JAKMIP3: variants seen among roughly 807,000 people sequenced by gnomAD.
The protein encoded by JAKMIP3 is janus kinase and microtubule-interacting protein 3.
In JAKMIP3, 58 loss-of-function variants were observed where a neutral mutation model predicts 118.5. That is an observed-to-expected ratio of 0.49 (90% CI 0.40 to 0.61). The LOEUF (loss-of-function observed/expected upper bound fraction) is 0.61. Among genes scored for constraint, JAKMIP3 ranks in the 20% least tolerant of loss-of-function variants. The pLI is 0.00. For synonymous variants in JAKMIP3, 486 were observed against 451.2 expected (o/e 1.08, Z -0.98); for missense variants, 950 against 1,109.0 (o/e 0.86, Z 2.04).
At chr10:132,071,297 A>C (rs1457493121) in intron 1 of JAKMIP3, among the ~76,000 whole-genome samples, 1 of 151,886 alleles carries the variant, frequency 6.6e-6, no homozygotes, top group African/African-American at 2.4e-5. Flanking sequence ...CAGTTATTTT[A>C]ACTTTGTTGA....
chr10:132,122,067 G>A (rs2048626979), intron 3 of JAKMIP3, among the ~76,000 whole-genome samples: 1 of 152,218 alleles, frequency 6.6e-6, no homozygotes, highest in South Asian at 2.1e-4. Flanking sequence ...AGCACCTACG[G>A]TAGGTGTTCA....
At chr10:132,158,506 G>A (rs2057357997) in intron 19 of JAKMIP3, among the ~76,000 whole-genome samples, 1 of 152,232 alleles carries the variant, frequency 6.6e-6, no homozygotes, top group Non-Finnish European at 1.5e-5. Context: ...GGGGCCAACT[G>A]CTCAGGGGAT....
At chr10:132,089,266 G>C (rs1407397631) in intron 1 of JAKMIP3, among the ~76,000 whole-genome samples, 1 of 152,140 alleles carries the variant, frequency 6.6e-6, no homozygotes, top group Non-Finnish European at 1.5e-5. Flanking sequence ...TAGCTTGATG[G>C]GGATGGCATT....
intron 1 of JAKMIP3, among the ~76,000 whole-genome samples, chr10:132,102,280 G>A (rs993273042): frequency 3.3e-5 from 5 of 152,030 alleles, no homozygotes; most frequent in Admixed American, 6.5e-5. Context: ...CGCCGGGCCC[G>A]GCGAGCACCC....
At chr10:132,066,166 A>G (rs893382145) in intron 1 of JAKMIP3, among the ~76,000 whole-genome samples, 105 bp downstream of exon 1, 3 of 152,192 alleles carry the variant, frequency 2.0e-5, no homozygotes, top group African/African-American at 7.2e-5. Flanking sequence ...TAGTGCGCAC[A>G]CGTATGTGGC....
At chr10:132,048,948 A>C (rs9419326) in intron 1 of JAKMIP3, among the ~76,000 whole-genome samples, 90,281 of 151,624 alleles carry the variant, frequency 0.6, 27,516 homozygotes, top group East Asian at 0.81. Flanking sequence ...CCTGGGCTTG[A>C]CTGTTTCTAA....
intron 3 of JAKMIP3, among the ~76,000 whole-genome samples, chr10:132,132,262 A>G (rs973376056): frequency 6.6e-6 from 1 of 152,208 alleles, no homozygotes; most frequent in African/African-American, 2.4e-5. Context: ...ACAATGGGTA[A>G]AGCAGCAAGA....
chr10:132,062,206 G>A (rs184210172), upstream of JAKMIP3, among the ~76,000 whole-genome samples: 225 of 152,326 alleles, frequency 1.5e-3, 2 homozygotes, highest in African/African-American at 5.3e-3. Context: ...AAATTCAACA[G>A]GGAGAAATCC....
chr10:132,038,667 C>T (rs1353865015), intron 1 of JAKMIP3, among the ~76,000 whole-genome samples: 4 of 152,002 alleles, frequency 2.6e-5, no homozygotes, highest in Non-Finnish European at 5.9e-5. Flanking sequence ...CATGGTGTGC[C>T]TGTAATCCCA....
chr10:132,178,850 T>C (rs999915450), intron 23 of JAKMIP3, among the ~76,000 whole-genome samples: 3 of 152,222 alleles, frequency 2.0e-5, no homozygotes, highest in African/African-American at 7.2e-5. Context: ...CAGTGGAAAT[T>C]TCCAGCACAC....
intron 1 of JAKMIP3, among the ~76,000 whole-genome samples, chr10:132,102,953 G>A (rs71480030): frequency 0.17 from 26,172 of 150,466 alleles, 2,339 homozygotes; most frequent in East Asian, 0.2. Context: ...GAGAGGAGAC[G>A]CGGGCATGGG....
At chr10:132,091,923 C>A (rs1391387508) in intron 1 of JAKMIP3, among the ~76,000 whole-genome samples, 1 of 152,152 alleles carries the variant, frequency 6.6e-6, no homozygotes, top group Non-Finnish European at 1.5e-5. Context: ...TTGTTCCTTT[C>A]CATGTTTAGT....
chr10:132,123,356 A>G (rs1362490142), intron 3 of JAKMIP3, among the ~76,000 whole-genome samples: 1 of 151,984 alleles, frequency 6.6e-6, no homozygotes, highest in Admixed American at 6.5e-5. Flanking sequence ...GTTGTTAAAG[A>G]CTCTCTAAAT....
At chr10:132,131,646 G>A (rs1246029806) in intron 3 of JAKMIP3, among the ~76,000 whole-genome samples, 4 of 152,060 alleles carry the variant, frequency 2.6e-5, no homozygotes, top group Non-Finnish European at 4.4e-5. Context: ...CAGGGCGGCC[G>A]TTTGGAAGCC....
At chr10:132,075,719 A>G (rs1053666704) in intron 1 of JAKMIP3, among the ~76,000 whole-genome samples, 1 of 152,122 alleles carries the variant, frequency 6.6e-6, no homozygotes, top group Non-Finnish European at 1.5e-5. Context: ...ATACTTCTAT[A>G]TATGTTAGGA....
chr10:132,165,904 G>A (rs1213716304), intron 21 of JAKMIP3, among the ~76,000 whole-genome samples: 5 of 152,246 alleles, frequency 3.3e-5, no homozygotes, highest in Non-Finnish European at 7.3e-5. Context: ...AGGGGCACCC[G>A]GCCTTGCCGG....
intron 1 of JAKMIP3, among the ~76,000 whole-genome samples, chr10:132,040,138 G>A (rs1185769985): frequency 1.5e-4 from 23 of 152,182 alleles, no homozygotes; most frequent in Admixed American, 1.0e-3. Flanking sequence ...CCCTTTGGGA[G>A]CTGACGGGGT....
At chr10:132,084,502 C>T (rs931652115) in intron 1 of JAKMIP3, among the ~76,000 whole-genome samples, 12 of 152,146 alleles carry the variant, frequency 7.9e-5, no homozygotes, top group Non-Finnish European at 1.5e-4. Flanking sequence ...ATTCGACTTC[C>T]TCTTTATGGA....
chr10:132,084,490 C>G (rs116287074), intron 1 of JAKMIP3, among the ~76,000 whole-genome samples: 2,904 of 152,276 alleles, frequency 0.019, 88 homozygotes, highest in African/African-American at 0.066. Context: ...CAAACAGTGA[C>G]AATTCGACTT....
Sources: allele counts gnomAD v4.1 joint callset (sites outside exome capture counted in the v4.1 genomes callset), GRCh38; gene constraint gnomAD v4.1.1; transcripts MANE v1.5; gene names NCBI Gene and HGNC (gene_info 2026-07-23, HGNC 2026-07-21).